LNPK: variants seen among roughly 807,000 people sequenced by gnomAD.
The protein encoded by LNPK is lunapark, ER junction formation factor, also known as endoplasmic reticulum junction formation protein lunapark.
A neutral mutation model predicts 55.2 loss-of-function variants in LNPK; 29 were observed. The observed-to-expected ratio is 0.53, with a 90% confidence interval of 0.39 to 0.72. The LOEUF (loss-of-function observed/expected upper bound fraction) is 0.72. Ranked by LOEUF, LNPK falls within the 30% of genes least tolerant of loss-of-function variation. The probability of loss-of-function intolerance (pLI) is 0.00; values close to 1 mark genes in which losing one functional copy is unlikely to be tolerated. For synonymous variants in LNPK, 162 were observed against 168.2 expected, an observed-to-expected ratio of 0.96 and a Z score of 0.29; for missense variants, 467 against 494.8, an observed-to-expected ratio of 0.94 and a Z score of 0.53.
chr2:175,984,900 C>T (rs1275074150), intron 4 of LNPK, among the ~76,000 whole-genome samples: 2 of 152,202 alleles, frequency 1.3e-5, no homozygotes, highest in East Asian at 3.8e-4. Flanking sequence ...CATACAAAAA[C>T]TTGTACAAAA....
At chr2:175,975,503 A>T (rs1269299179) in intron 5 of LNPK, among the ~76,000 whole-genome samples, 2 of 152,160 alleles carry the variant, frequency 1.3e-5, no homozygotes, top group Non-Finnish European at 2.9e-5. Flanking sequence ...TATGGGGTGC[A>T]TGAGATGTTT....
chr2:175,986,684 TCATATGGTATCTCC>T (rs1308637647), intron 4 of LNPK, among the ~76,000 whole-genome samples: 131 of 152,014 alleles, frequency 8.6e-4, no homozygotes, highest in Non-Finnish European at 1.4e-3. Context: ...AGATGAAAAA[TCATATGGTATCTCC>T]ATAGATAATG....
intron 8 of LNPK, among the ~76,000 whole-genome samples, chr2:175,956,554 A>G (rs912995437): frequency 6.6e-6 from 1 of 152,180 alleles, no homozygotes; most frequent in East Asian, 1.9e-4. Flanking sequence ...GGCTTTGCAG[A>G]CCACATAAGC....
At chr2:175,934,226 G>C (rs539221059) in intron 12 of LNPK, among the ~76,000 whole-genome samples, 2 of 152,112 alleles carry the variant, frequency 1.3e-5, no homozygotes, top group Non-Finnish European at 2.9e-5. Flanking sequence ...TAAATACATG[G>C]AATACAACAA....
At chr2:175,983,283 G>T (rs1171707745) in intron 4 of LNPK, among the ~76,000 whole-genome samples, 3 of 152,146 alleles carry the variant, frequency 2.0e-5, no homozygotes, top group Non-Finnish European at 2.9e-5. Context: ...TATGGCAAGG[G>T]GGTTGGGGGG....
chr2:175,999,726 G>GT, intron 1 of LNPK, among the ~76,000 whole-genome samples: 1 of 152,080 alleles, frequency 6.6e-6, no homozygotes, highest in Non-Finnish European at 1.5e-5. Context: ...ACCACAACAG[G>GT]ACCTGTCATG....
chr2:175,929,056 C>G lies in LNPK; in HGVS notation c.*911G>C. On this transcript the variant is annotated 3_prime_UTR_variant, in exon 13 of 13. Coordinates refer to ENST00000272748, the MANE Select transcript of LNPK (RefSeq NM_030650.3). ...GTGAGCTATTCCTCCTAAGATTTTT[C>G]AGGTAGCCAAGTCACCCACCAAGAT... 1.0e-6 allele frequency: 1 copy of G among 959,908 alleles called. No homozygotes were observed. Among genetic ancestry groups the G allele is most frequent in the Non-Finnish European group, 1.2e-6 (1 of 806,442 alleles). 59.5% of individuals were successfully genotyped at this position (959,908 alleles called of 1,614,324 possible). A position where few individuals can be genotyped will look rare whatever the true frequency, so the allele number is the denominator to read the frequency against.
At chr2:175,967,091 G>A (rs1686395734) in intron 6 of LNPK, among the ~76,000 whole-genome samples, 1 of 152,180 alleles carries the variant, frequency 6.6e-6, no homozygotes, top group Non-Finnish European at 1.5e-5. Flanking sequence ...CCAGCCACAT[G>A]TGGCCCAAGA....
rs1028900151 is a variant in LNPK at position 175,928,577 on chromosome 2, T to A, written c.*1390A>T. Reference sequence around the variant, plus strand: ...ATCATAAAAATAGATTTTTAAATGATAAAAATGTTTTGTTCAGTTGTTAAT... The same window carrying A: ...ATCATAAAAATAGATTTTTAAATGAAAAAAATGTTTTGTTCAGTTGTTAAT... On this transcript the variant is annotated 3_prime_UTR_variant, in exon 13 of 13. Transcript: ENST00000272748. The A allele has an allele frequency of 1.3e-5, 2 of 150,228 alleles. No homozygotes were observed. The highest frequency in any genetic ancestry group is 4.9e-5 in the African/African-American group (2 of 40,892). The allele number at this position is 150,228 out of a possible 1,614,324, so 9.3% of individuals were successfully genotyped here.
intron 6 of LNPK, among the ~76,000 whole-genome samples, chr2:175,968,484 G>A (rs1182156199): frequency 6.6e-6 from 1 of 152,118 alleles, no homozygotes; most frequent in Non-Finnish European, 1.5e-5. Flanking sequence ...GATGCAGAGG[G>A]ATTATCTGCT....
chr2:175,935,775 TG>T, intron 12 of LNPK: 1 of 969,492 alleles, frequency 1.0e-6, no homozygotes, highest in Non-Finnish European at 1.2e-6. Context: ...ATGAGACGTC[TG>T]GGGTATTGCT....
In LNPK at chr2:175,947,602, G is replaced by A. The variant is rs2105565066; in HGVS notation, c.584C>T (p.Pro195Leu). ...GGCAGAACTGTCCTTTGGTGGTCCA[G>A]GAGATACTGGAACTTGTGGAGGAGG... ...QGPPPQVPVS[P>L]GPPKDSSAPG... The change falls in exon 9 of 13, where the codon CCT becomes CTT. Residue 195 changes from proline to leucine, a missense_variant. Transcript: ENST00000272748. 6.2e-7 allele frequency: 1 copy of A among 1,614,062 alleles called. No individual in the cohort carries two copies. The highest frequency in any genetic ancestry group is 1.1e-5 in the South Asian group (1 of 91,080).
intron 8 of LNPK, among the ~76,000 whole-genome samples, chr2:175,950,957 T>C (rs571457529): frequency 1.4e-4 from 21 of 152,270 alleles, no homozygotes; most frequent in Non-Finnish European, 2.6e-4. Flanking sequence ...ACATTAAATG[T>C]TCCCTTAGTT....
intron 8 of LNPK, among the ~76,000 whole-genome samples, chr2:175,949,379 A>G (rs552062232): frequency 3.2e-4 from 49 of 152,118 alleles, no homozygotes; most frequent in Non-Finnish European, 5.6e-4. Context: ...TGAAATCAAT[A>G]AAATCATATT....
intron 12 of LNPK, among the ~76,000 whole-genome samples, chr2:175,933,275 C>T (rs1469170572): frequency 1.3e-5 from 2 of 152,166 alleles, no homozygotes; most frequent in African/African-American, 4.8e-5. Context: ...ATGAATATCA[C>T]TGCCCCACCT....
chr2:175,980,642 C>G (rs535969056), intron 4 of LNPK, among the ~76,000 whole-genome samples: 20 of 152,184 alleles, frequency 1.3e-4, no homozygotes, highest in Non-Finnish European at 2.4e-4. Flanking sequence ...CACGGTGGCT[C>G]ACGCCTGTAA....
intron 5 of LNPK, among the ~76,000 whole-genome samples, chr2:175,977,297 G>T (rs1011454288): frequency 6.6e-6 from 1 of 152,100 alleles, no homozygotes; most frequent in African/African-American, 2.4e-5. Context: ...TTAAATTTAA[G>T]CTATTTAAAA....
Position 175,947,508 on chromosome 2 carries a change from T to G in LNPK, c.678A>C (p.Gly226=), listed in dbSNP as rs1685195200. ...TTCCAGGCACTGAAGTAGCAGGGGA[T>G]CCAAGATGTCTTGGTAACACATTTG... ...LSSNVLPRHL[G]SPATSVPGMG... The change falls in exon 9 of 13, where the codon GGA becomes GGC. Residue 226 remains glycine (G), a synonymous_variant. Transcript: ENST00000272748. The G allele has an allele frequency of 6.2e-7, 1 of 1,613,616 alleles. No homozygotes were observed. Among genetic ancestry groups the G allele is most frequent in the South Asian group, 1.1e-5 (1 of 91,060 alleles).
chr2:175,924,959 C>T lies in LNPK; in HGVS notation c.*5008G>A, dbSNP rs769884038. Reference sequence around the variant, plus strand: ...AGAACTCATTACTGCAAGGACAACGCCAAGACATTCATGAGGGATCCGCTC... The same window carrying T: ...AGAACTCATTACTGCAAGGACAACGTCAAGACATTCATGAGGGATCCGCTC... On this transcript the variant is annotated 3_prime_UTR_variant, in exon 13 of 13. Transcript: ENST00000272748. 6.6e-6 allele frequency: 1 copy of T among 152,056 alleles called. No individual in the cohort carries two copies. The highest frequency in any genetic ancestry group is 1.5e-5 in the Non-Finnish European group (1 of 68,032). The allele number at this position is 152,056 out of a possible 1,614,324, so 9.4% of individuals were successfully genotyped here.
Sources: gnomAD v4.1 joint callset for allele counts (sites outside exome capture counted in the v4.1 genomes callset) on GRCh38, gnomAD v4.1.1 for gene constraint, MANE v1.5 for transcripts, NCBI Gene and HGNC (gene_info 2026-07-23, HGNC 2026-07-21) for gene names.